Variants in SLC44A4 observed in about 807,000 individuals in gnomAD.
SLC44A4 encodes the protein choline transporter-like protein 4.
In SLC44A4, 74 loss-of-function variants were observed where a neutral mutation model predicts 97.0. The ratio of observed to expected loss-of-function variants is 0.76; its 90% CI spans 0.63 to 0.93. The LOEUF (loss-of-function observed/expected upper bound fraction) is 0.93. SLC44A4 is among the 40% of genes least tolerant of loss of function. The pLI is 0.00. For missense variants in SLC44A4, 799 were observed against 902.9 expected (o/e 0.88, Z 1.48); for synonymous variants, 325 against 363.8 (o/e 0.89, Z 1.21).
chr6:31,865,511 T>C lies in SLC44A4; in HGVS notation c.1673A>G (p.Asn558Ser), dbSNP rs559523018. The C allele has an allele frequency of 9.2e-5, 147 of 1,606,048 alleles. 1 individual carries two copies. The highest frequency in any genetic ancestry group is 7.2e-4 in the South Asian group (65 of 90,824). The change falls in exon 16 of 21, where the codon AAT (asparagine) becomes AGT (serine). Residue 558 changes from asparagine to serine, a missense_variant. By Grantham distance (46) the Asn-to-Ser change is conservative. Coordinates refer to ENST00000229729, the MANE Select transcript of SLC44A4 (RefSeq NM_025257.3). The surrounding 1 kb of genome is among the most constrained non-coding windows in gnomAD (Gnocchi z 5.2). ...AGTGTAGCTCACCATGATGTATGCA[T>C]TGCGGTTTAGGAACTTGATAAATTT... ...LEKFIKFLNR[N>S]AYIMIAIYGK...
chr6:31,876,028 C>T lies in SLC44A4; in HGVS notation c.163+28G>A. ...CTGGGTTCCTGTCCCTCACCCACTG[C>T]CCTGGCTCTGAGCAGCTGGAAACTC... On this transcript the variant is annotated intron_variant, in intron 3 of 20. Transcript: ENST00000229729. The surrounding 1 kb of genome is among the most constrained non-coding windows in gnomAD (Gnocchi z 4.8). 6.2e-7 allele frequency: 1 copy of T among 1,613,768 alleles called. No individual in the cohort carries two copies. Among genetic ancestry groups the T allele is most frequent in the South Asian group, 1.1e-5 (1 of 91,084 alleles).
At chr6:31,869,030 G>A (rs1290292535) in intron 13 of SLC44A4, 125 bp downstream of exon 13, 22 of 704,678 alleles carry the variant, frequency 3.1e-5, no homozygotes, top group Non-Finnish European at 5.1e-5. Context: ...TGGGGGTTGA[G>A]TGTGTGACCT....
In SLC44A4 at chr6:31,870,837, G is replaced by A. The variant is rs771643727; in HGVS notation, c.912C>T (p.Ser304=). The change falls in exon 10 of 21, where the codon AGC becomes AGT. Residue 304 remains serine, a synonymous_variant. Coordinates refer to ENST00000229729, the MANE Select transcript of SLC44A4 (RefSeq NM_025257.3). The part of the protein sequence containing the change: ...GFTTNLSAYQ[S]VQETWLAALI... ...GGGCGGCCAGCCAGGTCTCCTGCAC[G>A]CTCTGGTAGGCACTGAGGTTGGTGG... The A allele has an allele frequency of 7.4e-5, 120 of 1,612,960 alleles. No homozygotes were observed. Among genetic ancestry groups the A allele is most frequent in the Non-Finnish European group, 9.8e-5 (116 of 1,180,024 alleles).
rs1763340283 is a variant in SLC44A4 at position 31,874,588 on chromosome 6, C to T, written c.469-68G>A. ...GATGAAGAAGCAGGTCCCCTCACCA[C>T]CACCATGGGGCTCAGCCTGTCCCAC... On this transcript the variant is annotated intron_variant, in intron 6 of 20. Transcript: ENST00000229729. The surrounding 1 kb of genome is among the most constrained non-coding windows in gnomAD (Gnocchi z 4.8). 6.3e-7 allele frequency: 1 copy of T among 1,582,146 alleles called. No individual in the cohort carries two copies. Among genetic ancestry groups the T allele is most frequent in the African/African-American group, 1.3e-5 (1 of 74,300 alleles).
At chr6:31,868,537 A>G (rs1562446680) in intron 13 of SLC44A4, among the ~76,000 whole-genome samples, 1 of 152,134 alleles carries the variant, frequency 6.6e-6, no homozygotes, top group African/African-American at 2.4e-5. Context: ...GTACTTTGGG[A>G]GGTTAAGCCA....
chr6:31,865,736 C>T lies in SLC44A4; in HGVS notation c.1536G>A (p.Val512=). ...ACTCCAAGATGACCCGGGCTATCTG[C>T]ACAAGGGTCAGGATGAGGGCTCCAA... The part of the protein sequence containing the change: ...LAFGALILTL[V]QIARVILEYI... The change falls in exon 15 of 21, where the codon GTG becomes GTA. Residue 512 remains valine (V), a synonymous_variant. Transcript: ENST00000229729. The surrounding 1 kb of genome is among the most constrained non-coding windows in gnomAD (Gnocchi z 5.2). The T allele has an allele frequency of 1.2e-6, 2 of 1,613,672 alleles. No individual in the cohort carries two copies. Among genetic ancestry groups the T allele is most frequent in the South Asian group, 1.1e-5 (1 of 91,084 alleles).
In SLC44A4 at chr6:31,874,677, T is replaced by G; in HGVS notation, c.468+44A>C. 2 of 1,576,958 alleles carry G rather than the reference T, an allele frequency of 1.3e-6. No individual in the cohort carries two copies. Among genetic ancestry groups the G allele is most frequent in the Non-Finnish European group, 1.7e-6 (2 of 1,162,184 alleles). ...CTCCCCCTCCCTCTCGTGCCCACCC[T>G]GGCCCTTCTGGGCGACAGTGATGAG... On this transcript the variant is annotated intron_variant, in intron 6 of 20. Coordinates refer to ENST00000229729, the MANE Select transcript of SLC44A4 (RefSeq NM_025257.3). This position sits in a 1 kb window ranked among gnomAD's most constrained non-coding sequence, Gnocchi z 4.8.
Position 31,865,942 on chromosome 6 carries a change from T to G in SLC44A4, c.1418A>C (p.Tyr473Ser). 1 of 1,614,126 alleles carries G rather than the reference T, an allele frequency of 6.2e-7. No individual in the cohort carries two copies. ...CVLAGAFASF[Y>S]WAFHKPQDIP... ...GTCCTGGGGCTTGTGGAAGGCCCAG[T>G]AGAAGGAGGCAAAGGCTCCAGCGAG... The change falls in exon 14 of 21, where the codon TAC (tyrosine) becomes TCC (serine). Residue 473 changes from tyrosine to serine, a missense_variant. Coordinates refer to ENST00000229729, the MANE Select transcript of SLC44A4 (RefSeq NM_025257.3). The surrounding 1 kb of genome is among the most constrained non-coding windows in gnomAD (Gnocchi z 5.2).
intron 4 of SLC44A4, 23 bp from the exon 5 acceptor site, chr6:31,875,051 T>G (rs759453736): frequency 6.3e-7 from 1 of 1,582,898 alleles, no homozygotes; most frequent in Admixed American, 1.7e-5. Flanking sequence ...AGGGACCATG[T>G]GCATCAGGGC....
chr6:31,875,698 A>G, intron 4 of SLC44A4, 154 bp downstream of exon 4: 1 of 678,086 alleles, frequency 1.5e-6, no homozygotes, highest in Non-Finnish European at 2.6e-6. Context: ...CGTGGCCTGG[A>G]GTTGTCAGAT....
chr6:31,872,178 A>C (rs1431190334), intron 7 of SLC44A4, among the ~76,000 whole-genome samples: 1 of 152,200 alleles, frequency 6.6e-6, no homozygotes, highest in African/African-American at 2.4e-5. Context: ...ACTTACTGCC[A>C]TCCTTGCAAC....
chr6:31,876,991 C>T lies in SLC44A4; in HGVS notation c.89+43G>A, dbSNP rs1384789207. The T allele has an allele frequency of 1.1e-5, 18 of 1,577,324 alleles. No homozygotes were observed. The highest frequency in any genetic ancestry group is 1.6e-5 in the Non-Finnish European group (18 of 1,159,034). Reference sequence around the variant, plus strand: ...AGCAAATACTGGATTCCACACTGCACCCACCACCCCCGCCAGCCCCCGGAG... The same window carrying T: ...AGCAAATACTGGATTCCACACTGCATCCACCACCCCCGCCAGCCCCCGGAG... On this transcript the variant is annotated intron_variant, in intron 2 of 20. Transcript: ENST00000229729. The surrounding 1 kb of genome is among the most constrained non-coding windows in gnomAD (Gnocchi z 4.8).
intron 9 of SLC44A4, 48 bp downstream of exon 9, chr6:31,871,266 G>A (rs761621007): frequency 2.6e-6 from 4 of 1,557,796 alleles, no homozygotes; most frequent in Admixed American, 1.7e-5. Flanking sequence ...TAGAGGATCA[G>A]GGAGGAAGAA....
rs766732954 is a variant in SLC44A4, at chr6:31,874,731, G to A, written c.458C>T (p.Pro153Leu). ...KNRNFCLPGVPWNMTVITSLQ... is the reference protein window; with the variant it reads ...KNRNFCLPGVLWNMTVITSLQ... The stretch of plus-strand genomic sequence containing the variant: ...AGGGGCAATATTCACCATATTCCAG[G>A]GTACCCCTGGCAGACAAAAGTTCCT... Residue 153 changes from proline (P) to leucine (L), a missense_variant, in exon 6 of 21, where the codon CCC (proline) becomes CTC (leucine). By Grantham distance (98) the Pro-to-Leu change is moderately conservative (BLOSUM62 -3). Transcript: ENST00000229729. This position sits in a 1 kb window ranked among gnomAD's most constrained non-coding sequence, Gnocchi z 4.8. 9 of 1,611,290 alleles carry A rather than the reference G, an allele frequency of 5.6e-6. 1 individual carries two copies. The South Asian group carries it at 9.9e-5, about 18-fold the overall frequency.
rs1763107399 is a variant in SLC44A4 at position 31,870,658 on chromosome 6, T to C, written c.982A>G (p.Ile328Val). 2.5e-6 allele frequency: 4 copies of C among 1,610,676 alleles called. No individual in the cohort carries two copies. In the African/African-American group the frequency reaches 5.3e-5, roughly 22 times the overall value. ...VLEAILLLML[I>V]FLRQRIRIAI... ...ATACGAATCCGCTGCCGCAGGAAGA[T>C]GAGCATCAGCAGCAGGATGGCTTCA... is the stretch of plus-strand genomic sequence containing the variant. The change falls in exon 11 of 21, where the codon ATC becomes GTC. Residue 328 changes from isoleucine to valine, a missense_variant. Around this residue, in one of 3 missense-constraint regions of SLC44A4, gnomAD observed 409 missense variants for 434.1 expected, o/e 0.94. Transcript: ENST00000229729.
rs757152879 is a variant in SLC44A4, at chr6:31,876,071, C to T, written c.148G>A (p.Val50Met). 6.2e-6 allele frequency: 10 copies of T among 1,613,916 alleles called. No individual in the cohort carries two copies. The highest frequency in any genetic ancestry group is 8.5e-6 in the Non-Finnish European group (10 of 1,180,024). The change falls in exon 3 of 21, where the codon GTG (valine) becomes ATG (methionine). Residue 50 changes from valine to methionine, a missense_variant. This residue lies in a region of SLC44A4 where 409 missense variants were observed against 434.1 expected (regional missense o/e 0.94). Transcript: ENST00000229729. This position sits in a 1 kb window ranked among gnomAD's most constrained non-coding sequence, Gnocchi z 4.8. ...GGAAACTCACCCACAATCCCCACCA[C>T]GATGTAACCTAGAATGAAGAGCAGG... ...LFLLFILGYI[V>M]VGIVAWLYGD...
chr6:31,878,877 A>G lies in SLC44A4; in HGVS notation c.40+64T>C. ...CCTCTCCCTGGAGCCAGCCCCAGAC[A>G]CCATTCCCAAAGTACCCGTCCTCCC... On this transcript the variant is annotated intron_variant, in intron 1 of 20. Coordinates refer to ENST00000229729, the MANE Select transcript of SLC44A4 (RefSeq NM_025257.3). This position sits in a 1 kb window ranked among gnomAD's most constrained non-coding sequence, Gnocchi z 4.0. The G allele has an allele frequency of 1.3e-6, 2 of 1,556,416 alleles. No individual in the cohort carries two copies. Among genetic ancestry groups the G allele is most frequent in the Non-Finnish European group, 1.8e-6 (2 of 1,128,086 alleles).
chr6:31,875,879 C>G lies in SLC44A4; in HGVS notation c.215G>C (p.Gly72Ala). Residue 72 changes from glycine (G) to alanine (A), a missense_variant, in exon 4 of 21, where the codon GGG (glycine) becomes GCG (alanine). Gly to Ala is a moderately conservative substitution (Grantham distance 60, BLOSUM62 0). Transcript: ENST00000229729. ...RQVLYPRNST[G>A]AYCGMGENKD... ...GTTCTCCCCCATGCCACAGTAGGCCCCAGTAGAGTTCCTGGGGTAGAGGAC... is the reference window on the plus strand; with the variant it reads ...GTTCTCCCCCATGCCACAGTAGGCCGCAGTAGAGTTCCTGGGGTAGAGGAC... 2 of 1,613,104 alleles carry G rather than the reference C, an allele frequency of 1.2e-6. No individual in the cohort carries two copies. The highest frequency in any genetic ancestry group is 1.7e-6 in the Non-Finnish European group (2 of 1,179,694).
rs772614927 is a variant in SLC44A4, at chr6:31,866,029, A to G, written c.1331T>C (p.Ile444Thr). 6.2e-7 allele frequency: 1 copy of G among 1,614,214 alleles called. No individual in the cohort carries two copies. The highest frequency in any genetic ancestry group is 2.2e-5 in the East Asian group (1 of 44,890). The change falls in exon 14 of 21, where the codon ATC becomes ACC. Residue 444 changes from isoleucine (I) to threonine (T), a missense_variant. Physicochemically the swap from Ile to Thr is moderately conservative, Grantham distance 89. Around this residue, in one of 3 missense-constraint regions of SLC44A4, gnomAD observed 379 missense variants for 438.3 expected, o/e 0.86. Coordinates refer to ENST00000229729, the MANE Select transcript of SLC44A4 (RefSeq NM_025257.3). ...CCAGAAGAGCCCCAGGACCCCATAGATTTGCAGATTGAAGACAGAACGTTG... is the reference window on the plus strand; with the variant it reads ...CCAGAAGAGCCCCAGGACCCCATAGGTTTGCAGATTGAAGACAGAACGTTG... ...LIQRSVFNLQ[I>T]YGVLGLFWTL...
Sources: allele counts gnomAD v4.1 joint callset (sites outside exome capture counted in the v4.1 genomes callset), GRCh38; gene constraint gnomAD v4.1.1; regional missense constraint gnomAD v4.1.1; non-coding constraint Gnocchi (gnomAD v3.1); transcripts MANE v1.5; gene names NCBI Gene and HGNC (gene_info 2026-07-23, HGNC 2026-07-21).